The following PRDX2 variants were observed in gnomAD, a reference collection of about 807,000 sequenced individuals.
PRDX2 encodes the protein peroxiredoxin 2, also known as peroxiredoxin-2.
Under a neutral mutation model 19.8 loss-of-function variants are expected in PRDX2, and 10 were observed. The observed-to-expected ratio is 0.50, with a 90% confidence interval of 0.31 to 0.86. PRDX2 has a LOEUF of 0.86. Ranked by LOEUF, PRDX2 falls within the 40% of genes least tolerant of loss-of-function variation. The pLI, the probability that PRDX2 is intolerant of heterozygous loss-of-function variation, is 0.04. For missense variants in PRDX2, 226 were observed against 260.1 expected, an observed-to-expected ratio of 0.87 and a Z score of 0.90; for synonymous variants, 118 against 108.2, an observed-to-expected ratio of 1.09 and a Z score of -0.56.
Position 12,799,978 on chromosome 19 carries a change from A to G in PRDX2, c.392T>C (p.Ile131Thr). Reference protein sequence around the residue: ...DEGIAYRGLFIIDGKGVLRQI... With the variant: ...DEGIAYRGLFTIDGKGVLRQI... ...GCGAAGGACACCCTTGCCATCGATGATAAAGAGGCCCCTGAAGACATCAGG... is the reference window on the plus strand; with the variant it reads ...GCGAAGGACACCCTTGCCATCGATGGTAAAGAGGCCCCTGAAGACATCAGG... The change falls in exon 5 of 6, where the codon ATC becomes ACC. Residue 131 changes from isoleucine (I) to threonine (T), a missense_variant. Coordinates refer to ENST00000301522, the MANE Select transcript of PRDX2 (RefSeq NM_005809.6). 2.5e-6 allele frequency: 4 copies of G among 1,613,978 alleles called. No individual in the cohort carries two copies. The highest frequency in any genetic ancestry group is 3.4e-6 in the Non-Finnish European group (4 of 1,179,946).
At chr19:12,800,439 A>C (rs1968870640) in intron 3 of PRDX2, 140 bp from the exon 4 acceptor site, 2 of 1,133,646 alleles carry the variant, frequency 1.8e-6, no homozygotes, top group Non-Finnish European at 2.5e-6. Flanking sequence ...CACCCACCCC[A>C]CCCTGGGTTG....
intron 1 of PRDX2, 117 bp from the exon 2 acceptor site, chr19:12,801,387 C>A: frequency 9.3e-7 from 1 of 1,077,126 alleles, no homozygotes. Context: ...CAGCACTAAC[C>A]CTCACCCTCC....
intron 3 of PRDX2, chr19:12,800,660 C>G: frequency 7.0e-7 from 1 of 1,422,138 alleles, no homozygotes; most frequent in Non-Finnish European, 9.3e-7. Context: ...GCAGCACAGC[C>G]TCCCTCCTGG....
chr19:12,800,550 G>A, intron 3 of PRDX2: 1 of 821,262 alleles, frequency 1.2e-6, no homozygotes, highest in South Asian at 1.9e-5. Flanking sequence ...GCATCACCCA[G>A]CAGAGAGCCT....
Position 12,796,975 on chromosome 19 carries a change from G to GGTCT in PRDX2, c.*102_*105dup. The GGTCT allele has an allele frequency of 8.9e-7, 1 of 1,120,374 alleles. No individual in the cohort carries two copies. 69.4% of individuals were successfully genotyped at this position (1,120,374 alleles called of 1,614,324 possible). ...CCATACTGTGGAGTTTGGAGGGGCA[G>GGTCT]GTCTGGCCTTTCCTGGGTCAGCATA... is the stretch of plus-strand genomic sequence containing the variant. On this transcript the variant is annotated 3_prime_UTR_variant, in exon 6 of 6. Transcript: ENST00000301522.
rs1217663436 is a variant in PRDX2, at chr19:12,801,149, C to T, written c.103+10G>A. 1.2e-6 allele frequency: 2 copies of T among 1,613,800 alleles called. No individual in the cohort carries two copies. The highest frequency in any genetic ancestry group is 1.7e-6 in the Non-Finnish European group (2 of 1,179,992). ...CGCTTCTACCTGGGCCCCCTCCGGGCGGCGCTCACCTTTGTAGTCCGACAG... is the reference window on the plus strand; with the variant it reads ...CGCTTCTACCTGGGCCCCCTCCGGGTGGCGCTCACCTTTGTAGTCCGACAG... On this transcript the variant is annotated intron_variant, in intron 2 of 5. Coordinates refer to ENST00000301522, the MANE Select transcript of PRDX2 (RefSeq NM_005809.6).
In PRDX2 at chr19:12,801,145, C is replaced by T. The variant is rs1272443977; in HGVS notation, c.103+14G>A. On this transcript the variant is annotated intron_variant, in intron 2 of 5. Coordinates refer to ENST00000301522, the MANE Select transcript of PRDX2 (RefSeq NM_005809.6). ...GCCCCGCTTCTACCTGGGCCCCCTCCGGGCGGCGCTCACCTTTGTAGTCCG... is the reference window on the plus strand; with the variant it reads ...GCCCCGCTTCTACCTGGGCCCCCTCTGGGCGGCGCTCACCTTTGTAGTCCG... The T allele has an allele frequency of 3.1e-6, 5 of 1,613,912 alleles. No individual in the cohort carries two copies. The highest frequency in any genetic ancestry group is 1.1e-5 in the South Asian group (1 of 91,078).
rs374411056 is a variant in PRDX2, at chr19:12,800,217, C to G, written c.340G>C (p.Asp114His). 4.3e-6 allele frequency: 7 copies of G among 1,613,934 alleles called. No homozygotes were observed. The African/African-American group carries it at 9.3e-5, about 22-fold the overall frequency. ...TCATCTGTTTTCAGCACGCCGTAAT[C>G]CTCAGACAAGCGTCTGGTCACGTCA... ...LADVTRRLSEDYGVLKTDEGI... is the reference protein window; with the variant it reads ...LADVTRRLSEHYGVLKTDEGI... Residue 114 changes from aspartate to histidine, a missense_variant, in exon 4 of 6, where the codon GAT becomes CAT. Physicochemically the swap from Asp to His is moderately conservative, Grantham distance 81. Coordinates refer to ENST00000301522, the MANE Select transcript of PRDX2 (RefSeq NM_005809.6).
At chr19:12,799,343 A>T (rs926307652) in intron 5 of PRDX2, among the ~76,000 whole-genome samples, 1 of 151,402 alleles carries the variant, frequency 6.6e-6, no homozygotes, top group African/African-American at 2.4e-5. Flanking sequence ...GACTATAGGC[A>T]TGCTTCACAA....
At chr19:12,800,780 G>T (rs1424767287) in intron 3 of PRDX2, 136 bp downstream of exon 3, 9 of 1,545,902 alleles carry the variant, frequency 5.8e-6, no homozygotes, top group Non-Finnish European at 7.9e-6. Flanking sequence ...TTAAAGACTT[G>T]GGCGGCAATG....
chr19:12,797,081 C>T lies in PRDX2; in HGVS notation c.597G>A (p.Ter199=). ...ACAAGCTCACTATCCGTTAGCCAGC[C>T]TAATTGTGTTTGGAGAAATATTCCT... ...DSKEYFSKHN[*] The change falls in exon 6 of 6, where the codon TAG becomes TAA. Residue 199 remains the stop codon, a stop_retained_variant. Transcript: ENST00000301522. 1 of 1,614,010 alleles carries T rather than the reference C, an allele frequency of 6.2e-7. No individual in the cohort carries two copies. Among genetic ancestry groups the T allele is most frequent in the African/African-American group, 1.3e-5 (1 of 75,062 alleles).
Position 12,801,720 on chromosome 19 carries a change from T to A in PRDX2, c.-10+20A>T. The A allele has an allele frequency of 3.3e-6, 1 of 305,472 alleles. No homozygotes were observed. Among genetic ancestry groups the A allele is most frequent in the Non-Finnish European group, 6.1e-6 (1 of 164,602 alleles). The allele number at this position is 305,472 out of a possible 1,614,324, so 18.9% of individuals were successfully genotyped here. ...GCCTGAAGGGGGTCCTCCCGCCAGG[T>A]GCACTCCGGGTGTTCATACCTGCGT... On this transcript the variant is annotated intron_variant, in intron 1 of 5. Coordinates refer to ENST00000301522, the MANE Select transcript of PRDX2 (RefSeq NM_005809.6).
At position 12,796,871 on chromosome 19, in the gene PRDX2, G is replaced by A; in HGVS notation, c.*210C>T. 1.7e-6 allele frequency: 1 copy of A among 573,232 alleles called. No individual in the cohort carries two copies. 35.5% of individuals were successfully genotyped at this position (573,232 alleles called of 1,614,324 possible). On this transcript the variant is annotated 3_prime_UTR_variant, in exon 6 of 6. Transcript: ENST00000301522. ...GTTACCTCTAGGCCTGTGTGCGGCTGGGTGGGCTTGGGGGAGGGCGTCACT... is the reference window on the plus strand; with the variant it reads ...GTTACCTCTAGGCCTGTGTGCGGCTAGGTGGGCTTGGGGGAGGGCGTCACT...
Position 12,800,950 on chromosome 19 carries a change from C to A in PRDX2, c.223G>T (p.Val75Phe). Reference protein sequence around the residue: ...FRKLGCEVLGVSVDSQFTHLA... With the variant: ...FRKLGCEVLGFSVDSQFTHLA... ...TGGGTGAACTGAGAGTCCACCGAGA[C>A]GCCCAGCACTTCACAGCCCAGCTTG... Residue 75 changes from valine to phenylalanine, a missense_variant, in exon 3 of 6, where the codon GTC (valine) becomes TTC (phenylalanine). Coordinates refer to ENST00000301522, the MANE Select transcript of PRDX2 (RefSeq NM_005809.6). 2 of 1,611,372 alleles carry A rather than the reference C, an allele frequency of 1.2e-6. No homozygotes were observed. Among genetic ancestry groups the A allele is most frequent in the Non-Finnish European group, 1.7e-6 (2 of 1,179,762 alleles).
intron 1 of PRDX2, 22 bp from the exon 2 acceptor site, chr19:12,801,292 T>G (rs1439687303): frequency 4.4e-6 from 7 of 1,590,266 alleles, no homozygotes; most frequent in Non-Finnish European, 6.0e-6. Flanking sequence ...GCCCGGTCAG[T>G]GCGCCCGGGA....
Position 12,800,958 on chromosome 19 carries a change from A to G in PRDX2, c.215T>C (p.Val72Ala). The change falls in exon 3 of 6, where the codon GTG (valine) becomes GCG (alanine). Residue 72 changes from valine to alanine, a missense_variant. By Grantham distance (64) the Val-to-Ala change is moderately conservative. Transcript: ENST00000301522. ...AEDFRKLGCE[V>A]LGVSVDSQFT... The stretch of plus-strand genomic sequence containing the variant: ...CTGAGAGTCCACCGAGACGCCCAGC[A>G]CTTCACAGCCCAGCTTGCGGAAGTC... 2 of 1,611,610 alleles carry G rather than the reference A, an allele frequency of 1.2e-6. No individual in the cohort carries two copies. Among genetic ancestry groups the G allele is most frequent in the Non-Finnish European group, 1.7e-6 (2 of 1,179,842 alleles).
Position 12,799,898 on chromosome 19 carries a change from G to A in PRDX2, c.472C>T (p.Leu158=), listed in dbSNP as rs759190572. 1 of 1,613,476 alleles carries A rather than the reference G, an allele frequency of 6.2e-7. No homozygotes were observed. The highest frequency in any genetic ancestry group is 8.5e-7 in the Non-Finnish European group (1 of 1,179,922). The part of the protein sequence containing the change: ...VGRSVDEALR[L]VQAFQYTDEH... ...TCTGTGTACTGGAAGGCCTGGACCA[G>A]CCGCAGAGCCTCATCCACGGAGCGT... The change falls in exon 5 of 6, where the codon CTG becomes TTG. Residue 158 remains leucine, a synonymous_variant. Transcript: ENST00000301522.
At chr19:12,800,152 A>G (rs1335468307) in intron 4 of PRDX2, 25 bp downstream of exon 4, 2 of 1,610,960 alleles carry the variant, frequency 1.2e-6, no homozygotes, top group Non-Finnish European at 8.5e-7. Context: ...GCGCTCCCTG[A>G]GCCGGGCTGA....
intron 3 of PRDX2, chr19:12,800,700 C>G (rs756409742): frequency 4.1e-6 from 6 of 1,468,516 alleles, no homozygotes; most frequent in Non-Finnish European, 5.4e-6. Flanking sequence ...GATAGAGTTG[C>G]ATCTGAGTTG....
Sources: gnomAD v4.1 joint callset for allele counts (sites outside exome capture counted in the v4.1 genomes callset) on GRCh38, gnomAD v4.1.1 for gene constraint, MANE v1.5 for transcripts, NCBI Gene and HGNC (gene_info 2026-07-23, HGNC 2026-07-21) for gene names.